MLXIP: variants seen among roughly 807,000 people sequenced by gnomAD.
MLXIP encodes MLX-interacting protein.
In MLXIP, 30 loss-of-function variants were observed where a neutral mutation model predicts 87.2. That is an observed-to-expected ratio of 0.34 (90% CI 0.26 to 0.47). MLXIP has a LOEUF of 0.47. Among genes scored for constraint, MLXIP ranks in the 20% least tolerant of loss-of-function variants. The probability of loss-of-function intolerance (pLI) is 1.00; values close to 1 mark genes in which losing one functional copy is unlikely to be tolerated. For missense variants in MLXIP, 1,002 were observed against 1,240.1 expected (o/e 0.81, Z 2.88); for synonymous variants, 530 against 514.0 (o/e 1.03, Z -0.42).
rs373872608 is a variant in MLXIP at position 122,137,440 on chromosome 12, C to T, written c.2033-29C>T. On this transcript the variant is annotated intron_variant, in intron 11 of 16. Coordinates refer to ENST00000319080, the MANE Select transcript of MLXIP (RefSeq NM_014938.6). The surrounding 1 kb of genome is among the most constrained non-coding windows in gnomAD (Gnocchi z 4.1). ...TGGTGGCGTTGAGGGGCCAGGCCTC[C>T]GCCCCTCAGAGGAGTCTGTTCTTAC... 20 of 1,599,682 alleles carry T rather than the reference C, an allele frequency of 1.3e-5. No homozygotes were observed. The highest frequency in any genetic ancestry group is 1.1e-4 in the African/African-American group (8 of 74,436).
At chr12:122,085,056 G>A (rs977404649) in intron 1 of MLXIP, among the ~76,000 whole-genome samples, 12 of 152,054 alleles carry the variant, frequency 7.9e-5, no homozygotes, top group Admixed American at 5.9e-4. Flanking sequence ...ACAAAAGCCC[G>A]GCTTCTGTTA....
In MLXIP at chr12:122,139,288, C is replaced by G. The variant is rs995805174; in HGVS notation, c.2508+350C>G. Among the ~76,000 whole-genome samples the G allele has an allele frequency of 2.6e-5, 4 of 152,188 alleles. No homozygotes were observed. In the East Asian group the frequency reaches 5.8e-4, roughly 22 times the overall value. The stretch of plus-strand genomic sequence containing the variant: ...ACAGCCTGGCAGCCAGCTCGGTCCT[C>G]GAAGCCACAGGGAGGGTGAGTGCCA... On this transcript the variant is annotated intron_variant, in intron 15 of 16. Coordinates refer to ENST00000319080, the MANE Select transcript of MLXIP (RefSeq NM_014938.6).
At chr12:122,093,468 CGGTGTGTTT>C (rs1435219002) in intron 1 of MLXIP, among the ~76,000 whole-genome samples, 2 of 94,984 alleles carry the variant, frequency 2.1e-5, no homozygotes, top group Non-Finnish European at 4.2e-5. Context: ...TGTATGTTTG[CGGTGTGTTT>C]GGTGTGTGGT....
chr12:122,080,715 C>T (rs1035457114), intron 1 of MLXIP, among the ~76,000 whole-genome samples: 6 of 152,158 alleles, frequency 3.9e-5, no homozygotes, highest in Non-Finnish European at 7.3e-5. Flanking sequence ...AGATGTTCTG[C>T]TTTTTAAAAA....
At chr12:122,118,302 C>G (rs1054320534) in intron 1 of MLXIP, among the ~76,000 whole-genome samples, 1 of 152,202 alleles carries the variant, frequency 6.6e-6, no homozygotes, top group South Asian at 2.1e-4. Flanking sequence ...TATTTTCAGA[C>G]AGCGGTTGAT....
intron 15 of MLXIP, among the ~76,000 whole-genome samples, chr12:122,139,288 C>T (rs995805174): frequency 2.6e-5 from 4 of 152,188 alleles, no homozygotes; most frequent in East Asian, 1.9e-4. Flanking sequence ...GCTCGGTCCT[C>T]GAAGCCACAG....
In MLXIP at chr12:122,078,925, C is replaced by T. The variant is rs1327734565; in HGVS notation, c.72C>T (p.Pro24=). 2.6e-6 allele frequency: 3 copies of T among 1,133,718 alleles called. No homozygotes were observed. Among genetic ancestry groups the T allele is most frequent in the Admixed American group, 4.6e-5 (1 of 21,552 alleles). 70.2% of individuals were successfully genotyped at this position (1,133,718 alleles called of 1,614,324 possible). A position where few individuals can be genotyped will look rare whatever the true frequency, so the allele number is the denominator to read the frequency against. The part of the protein sequence containing the change: ...RSRGRQVLLK[P]QVSEDDDDSD... ...GGGGCCGCCAGGTGCTGCTCAAGCC[C>T]CAGGTGTCCGAGGACGACGACGACT... Residue 24 remains proline, a synonymous_variant, in exon 1 of 17, where the codon CCC becomes CCT. Coordinates refer to ENST00000319080, the MANE Select transcript of MLXIP (RefSeq NM_014938.6).
chr12:122,088,033 A>G (rs1449355543), intron 1 of MLXIP, among the ~76,000 whole-genome samples: 1 of 152,214 alleles, frequency 6.6e-6, no homozygotes, highest in African/African-American at 2.4e-5. Context: ...CAGTGCACAA[A>G]GCTCGGCTGC....
chr12:122,079,913 T>A (rs778077982), intron 1 of MLXIP, among the ~76,000 whole-genome samples: 11 of 152,198 alleles, frequency 7.2e-5, no homozygotes, highest in Non-Finnish European at 1.3e-4. Flanking sequence ...AGAAGACTTT[T>A]GGTGCCACAG....
intron 1 of MLXIP, 100 bp downstream of exon 1, chr12:122,079,366 C>T: frequency 5.6e-6 from 6 of 1,066,664 alleles, no homozygotes; most frequent in South Asian, 5.5e-5. Flanking sequence ...TGGCTTCATG[C>T]ATTCCCTTTG....
chr12:122,134,390 T>G, intron 9 of MLXIP: 1 of 198,330 alleles, frequency 5.0e-6, no homozygotes, highest in Non-Finnish European at 1.0e-5. Flanking sequence ...TTTTTTGAGA[T>G]GGAGTCTCAC....
At position 122,135,076 on chromosome 12, in the gene MLXIP, C is replaced by A; in HGVS notation, c.1733-148C>A. ...AACATGTCTCCTTCAAGAAGTCACACAAATGGTTTTAGGTGCCTTGGTGGC... is the reference window on the plus strand; with the variant it reads ...AACATGTCTCCTTCAAGAAGTCACAAAAATGGTTTTAGGTGCCTTGGTGGC... On this transcript the variant is annotated intron_variant, in intron 9 of 16. Coordinates refer to ENST00000319080, the MANE Select transcript of MLXIP (RefSeq NM_014938.6). This position sits in a 1 kb window ranked among gnomAD's most constrained non-coding sequence, Gnocchi z 5.3. 2 of 916,318 alleles carry A rather than the reference C, an allele frequency of 2.2e-6. No individual in the cohort carries two copies. The highest frequency in any genetic ancestry group is 3.4e-6 in the Non-Finnish European group (2 of 583,098). The allele number at this position is 916,318 out of a possible 1,614,324, so 56.8% of individuals were successfully genotyped here.
intron 1 of MLXIP, among the ~76,000 whole-genome samples, chr12:122,123,913 C>A (rs562601823): frequency 6.6e-6 from 1 of 152,296 alleles, no homozygotes; most frequent in East Asian, 1.9e-4. Flanking sequence ...GTTCTGCTCA[C>A]TGGGGCCACC....
Position 122,135,204 on chromosome 12 carries a change from C to G in MLXIP, c.1733-20C>G, listed in dbSNP as rs775456693. 14 of 1,611,694 alleles carry G rather than the reference C, an allele frequency of 8.7e-6. No homozygotes were observed. In the African/African-American group the frequency reaches 1.2e-4, roughly 14 times the overall value. On this transcript the variant is annotated intron_variant, in intron 9 of 16. Transcript: ENST00000319080. This position sits in a 1 kb window ranked among gnomAD's most constrained non-coding sequence, Gnocchi z 5.3. The stretch of plus-strand genomic sequence containing the variant: ...CCTGTGGCCCAGGGCTGCACCTGAA[C>G]ATCCTCCTTATCCTGGCAGCTGCCT...
Position 122,078,779 on chromosome 12 carries a change from G to A in MLXIP, c.-75G>A, listed in dbSNP as rs1266897063. On this transcript the variant is annotated 5_prime_UTR_variant, in exon 1 of 17. Transcript: ENST00000319080. ...ACAGTCGGCGCGCGGGCCGGGCCGG[G>A]CCGGCGCCCCTCTGCCTCGCGCGCT... 2.9e-6 allele frequency: 3 copies of A among 1,019,312 alleles called. No individual in the cohort carries two copies. The East Asian group carries it at 2.8e-4, about 94-fold the overall frequency. The allele number at this position is 1,019,312 out of a possible 1,614,324, so 63.1% of individuals were successfully genotyped here. A position where few individuals can be genotyped will look rare whatever the true frequency, so the allele number is the denominator to read the frequency against.
At chr12:122,128,161 C>T (rs1453095458) in intron 3 of MLXIP, 193 bp downstream of exon 3, 1 of 573,366 alleles carries the variant, frequency 1.7e-6, no homozygotes, top group African/African-American at 1.9e-5. Flanking sequence ...GAGCCTCCCC[C>T]TTCTCAGAGG....
chr12:122,087,352 A>G (rs1952183470), intron 1 of MLXIP, among the ~76,000 whole-genome samples: 1 of 148,412 alleles, frequency 6.7e-6, no homozygotes, highest in Non-Finnish European at 1.5e-5. Context: ...TTGTGAGTGC[A>G]GGCAAGAATA....
intron 1 of MLXIP, among the ~76,000 whole-genome samples, chr12:122,084,318 C>T (rs983664322): frequency 2.6e-5 from 4 of 152,160 alleles, no homozygotes; most frequent in South Asian, 2.1e-4. Context: ...CAGTGCTCCC[C>T]GCTTTAGCGG....
At chr12:122,115,379 G>A (rs1198114270) in intron 1 of MLXIP, among the ~76,000 whole-genome samples, 1 of 151,646 alleles carries the variant, frequency 6.6e-6, no homozygotes, top group East Asian at 1.9e-4. Context: ...CCTGAGGTCG[G>A]GAGTTCAAGA....
Sources: allele counts gnomAD v4.1 joint callset (sites outside exome capture counted in the v4.1 genomes callset), GRCh38; gene constraint gnomAD v4.1.1; non-coding constraint Gnocchi (gnomAD v3.1); transcripts MANE v1.5; gene names NCBI Gene and HGNC (gene_info 2026-07-23, HGNC 2026-07-21).